RFPL3: variants seen among roughly 807,000 people sequenced by gnomAD.
The protein encoded by RFPL3 is ret finger protein like 3, also known as ret finger protein-like 3.
RFPL3 carries 8 observed loss-of-function variants against 8.7 expected under a neutral mutation model. That is an observed-to-expected ratio of 0.92 (90% CI 0.54 to 1.66). The LOEUF is 1.66. Among genes scored for constraint, RFPL3 ranks in the 40% most tolerant of loss-of-function variants. The pLI, the probability that RFPL3 is intolerant of heterozygous loss-of-function variation, is 0.00. For synonymous variants in RFPL3, 145 were observed against 150.5 expected, an observed-to-expected ratio of 0.96 and a Z score of 0.27; for missense variants, 341 against 395.0, an observed-to-expected ratio of 0.86 and a Z score of 1.16.
At position 32,358,126 on chromosome 22, in the gene RFPL3, C is replaced by T. The variant is rs775799598; in HGVS notation, c.55C>T (p.Leu19Phe). The change falls in exon 1 of 2, where the codon CTT becomes TTT. Residue 19 changes from leucine to phenylalanine, a missense_variant. Coordinates refer to ENST00000249007, the MANE Select transcript of RFPL3 (RefSeq NM_001098535.1). ...CAGGCTTTCACCTCAAGGAAATTTT[C>T]TTCCCTTGTGTACTTTTCCCCTGGC... ...TNRLSPQGNF[L>F]PLCTFPLAVD... 40 of 1,613,848 alleles carry T rather than the reference C, an allele frequency of 2.5e-5. No individual in the cohort carries two copies. The South Asian group carries it at 3.5e-4, about 14-fold the overall frequency.
rs1320382829 is a variant in RFPL3, at chr22:32,358,316, C to G, written c.245C>G (p.Ser82Cys). The G allele has an allele frequency of 1.9e-6, 3 of 1,613,910 alleles. No homozygotes were observed. The highest frequency in any genetic ancestry group is 2.5e-6 in the Non-Finnish European group (3 of 1,179,976). The change falls in exon 1 of 2, where the codon TCC (serine) becomes TGC (cysteine). Residue 82 changes from serine to cysteine, a missense_variant. By Grantham distance (112) the Ser-to-Cys change is moderately radical. Transcript: ENST00000249007. ...GAGGATCTGCTTTGCTGTTGCTGTT[C>G]CATGGTCTCTCAGAGGAACAAAATC... ...HGEDLLCCCC[S>C]MVSQRNKIRP...
chr22:32,358,136 G>T lies in RFPL3; in HGVS notation c.65G>T (p.Cys22Phe), dbSNP rs573663539. The change falls in exon 1 of 2, where the codon TGT becomes TTT. Residue 22 changes from cysteine (C) to phenylalanine (F), a missense_variant. Transcript: ENST00000249007. ...LSPQGNFLPL[C>F]TFPLAVDMAA... ...CCTCAAGGAAATTTTCTTCCCTTGTGTACTTTTCCCCTGGCAGTGGACATG... is the reference window on the plus strand; with the variant it reads ...CCTCAAGGAAATTTTCTTCCCTTGTTTACTTTTCCCCTGGCAGTGGACATG... 1 of 1,613,980 alleles carries T rather than the reference G, an allele frequency of 6.2e-7. No individual in the cohort carries two copies. Among genetic ancestry groups the T allele is most frequent in the Non-Finnish European group, 8.5e-7 (1 of 1,179,870 alleles).
intron 1 of RFPL3, chr22:32,359,981 C>T (rs1274561112): frequency 1.2e-5 from 6 of 482,738 alleles, no homozygotes; most frequent in Admixed American, 3.8e-5. Context: ...TTCAGAGACC[C>T]TCCACTCTAA....
In RFPL3 at chr22:32,358,445, G is replaced by A; in HGVS notation, c.373+1G>A. The A allele has an allele frequency of 6.2e-7, 1 of 1,611,872 alleles. No individual in the cohort carries two copies. The highest frequency in any genetic ancestry group is 1.1e-5 in the South Asian group (1 of 90,654). On this transcript the variant is annotated splice_donor_variant, in intron 1 of 1. Transcript: ENST00000249007. LOFTEE classifies it high-confidence loss of function. ...AACCCAAGGATGCGGAAGTTCCAAG[G>A]TAAGGAATCTGTATACCCTGCCCCC...
At chr22:32,355,799 AAG>A (rs1491338234), upstream of RFPL3, among the ~76,000 whole-genome samples, 3 of 149,920 alleles carry the variant, frequency 2.0e-5, no homozygotes, top group Non-Finnish European at 4.4e-5. Flanking sequence ...AAAAAAAAAA[AAG>A]AAAGAAAAGA....
Position 32,360,729 on chromosome 22 carries a change from C to T in RFPL3, c.851C>T (p.Ala284Val), listed in dbSNP as rs1415419306. The T allele has an allele frequency of 9.3e-6, 15 of 1,614,056 alleles. No homozygotes were observed. Among genetic ancestry groups the T allele is most frequent in the Non-Finnish European group, 1.2e-5 (14 of 1,179,958 alleles). Residue 284 changes from alanine (A) to valine (V), a missense_variant, in exon 2 of 2, where the codon GCT becomes GTT. By Grantham distance (64) the Ala-to-Val change is moderately conservative. Coordinates refer to ENST00000249007, the MANE Select transcript of RFPL3 (RefSeq NM_001098535.1). ...GAGGAGCCACTGCGCCCATTTTTGG[C>T]TCCTTCAATTCCACCTAATGGTGAT... Reference protein sequence around the residue: ...SAEEPLRPFLAPSIPPNGDQG... With the variant: ...SAEEPLRPFLVPSIPPNGDQG...
rs576410296 is a variant in RFPL3 at position 32,358,585 on chromosome 22, C to G, written c.373+141C>G. On this transcript the variant is annotated intron_variant, in intron 1 of 1. Coordinates refer to ENST00000249007, the MANE Select transcript of RFPL3 (RefSeq NM_001098535.1). ...ATGCTTCATCATCACATTCTCAGCC[C>G]TGACAACACATAGAATCACCTGGTG... is the stretch of plus-strand genomic sequence containing the variant. 8.6e-5 allele frequency: 110 copies of G among 1,275,948 alleles called. 1 individual carries two copies. In the South Asian group the frequency reaches 1.6e-3, roughly 18 times the overall value. The allele number at this position is 1,275,948 out of a possible 1,614,324, so 79.0% of individuals were successfully genotyped here.
intron 1 of RFPL3, among the ~76,000 whole-genome samples, chr22:32,358,693 T>G (rs1244063853): frequency 6.6e-6 from 1 of 152,174 alleles, no homozygotes; most frequent in African/African-American, 2.4e-5. Context: ...TGTGCTCAGA[T>G]TACCTGGGGA....
Position 32,358,321 on chromosome 22 carries a change from G to T in RFPL3, c.250G>T (p.Val84Phe). 1 of 1,614,088 alleles carries T rather than the reference G, an allele frequency of 6.2e-7. No individual in the cohort carries two copies. Among genetic ancestry groups the T allele is most frequent in the Non-Finnish European group, 8.5e-7 (1 of 1,179,994 alleles). The stretch of plus-strand genomic sequence containing the variant: ...TCTGCTTTGCTGTTGCTGTTCCATG[G>T]TCTCTCAGAGGAACAAAATCAGGCC... ...EDLLCCCCSM[V>F]SQRNKIRPNR... The change falls in exon 1 of 2, where the codon GTC (valine) becomes TTC (phenylalanine). Residue 84 changes from valine (V) to phenylalanine (F), a missense_variant. Coordinates refer to ENST00000249007, the MANE Select transcript of RFPL3 (RefSeq NM_001098535.1).
chr22:32,357,265 C>A (rs1932698637), upstream of RFPL3, among the ~76,000 whole-genome samples: 1 of 150,762 alleles, frequency 6.6e-6, no homozygotes, highest in South Asian at 2.1e-4. Flanking sequence ...CTTTTCTTTT[C>A]TTTTGGTGAG....
At position 32,358,202 on chromosome 22, in the gene RFPL3, C is replaced by T. The variant is rs142824103; in HGVS notation, c.131C>T (p.Ser44Leu). ...GAAGCAAGCAGCTGTCCCGTCTGCT[C>T]AGACTATCTGGAAAAACCAATGTCC... ...FQEASSCPVCSDYLEKPMSLE... is the reference protein window; with the variant it reads ...FQEASSCPVCLDYLEKPMSLE... The change falls in exon 1 of 2, where the codon TCA becomes TTA. Residue 44 changes from serine (S) to leucine (L), a missense_variant. By Grantham distance (145) the Ser-to-Leu change is moderately radical. Transcript: ENST00000249007. 10 of 1,613,866 alleles carry T rather than the reference C, an allele frequency of 6.2e-6. No individual in the cohort carries two copies. The African/African-American group carries it at 1.2e-4, about 19-fold the overall frequency.
chr22:32,358,594 C>T (rs1932744321), intron 1 of RFPL3, 150 bp downstream of exon 1: 5 of 1,226,980 alleles, frequency 4.1e-6, no homozygotes, highest in East Asian at 2.4e-5. Context: ...CCTGACAACA[C>T]ATAGAATCAC....
chr22:32,355,365 C>A (rs557175936), upstream of RFPL3, among the ~76,000 whole-genome samples: 1 of 152,168 alleles, frequency 6.6e-6, no homozygotes, highest in East Asian at 1.9e-4. Context: ...GCTATGTTCT[C>A]TGTCTCCACA....
Position 32,360,923 on chromosome 22 carries a change from A to T in RFPL3, c.*91A>T. Reference sequence around the variant, plus strand: ...CTTGGTAAAAGCATTATACAGTCATAGGAGAAAGATATGGGACATTTCTAT... The same window carrying T: ...CTTGGTAAAAGCATTATACAGTCATTGGAGAAAGATATGGGACATTTCTAT... On this transcript the variant is annotated 3_prime_UTR_variant, in exon 2 of 2. Coordinates refer to ENST00000249007, the MANE Select transcript of RFPL3 (RefSeq NM_001098535.1). 7.9e-7 allele frequency: 1 copy of T among 1,263,690 alleles called. No individual in the cohort carries two copies. 78.3% of individuals were successfully genotyped at this position (1,263,690 alleles called of 1,614,324 possible). A position where few individuals can be genotyped will look rare whatever the true frequency, so the allele number is the denominator to read the frequency against.
At position 32,358,151 on chromosome 22, in the gene RFPL3, C is replaced by A; in HGVS notation, c.80C>A (p.Ala27Glu). 2 of 1,613,988 alleles carry A rather than the reference C, an allele frequency of 1.2e-6. No homozygotes were observed. The highest frequency in any genetic ancestry group is 3.3e-5 in the Admixed American group (2 of 60,012). The change falls in exon 1 of 2, where the codon GCA becomes GAA. Residue 27 changes from alanine to glutamate, a missense_variant. Transcript: ENST00000249007. Reference sequence around the variant, plus strand: ...CTTCCCTTGTGTACTTTTCCCCTGGCAGTGGACATGGCTGCACTCTTCCAA... The same window carrying A: ...CTTCCCTTGTGTACTTTTCCCCTGGAAGTGGACATGGCTGCACTCTTCCAA... ...NFLPLCTFPL[A>E]VDMAALFQEA...
At position 32,360,912 on chromosome 22, in the gene RFPL3, T is replaced by C. The variant is rs5749409; in HGVS notation, c.*80T>C. The C allele has an allele frequency of 0.072, 97,584 of 1,353,654 alleles. 7,528 individuals carry two copies. Among genetic ancestry groups the C allele is most frequent in the East Asian group, 0.47 (20,342 of 42,942 alleles). The allele number at this position is 1,353,654 out of a possible 1,614,324, so 83.9% of individuals were successfully genotyped here. A position where few individuals can be genotyped will look rare whatever the true frequency, so the allele number is the denominator to read the frequency against. On this transcript the variant is annotated 3_prime_UTR_variant, in exon 2 of 2. Coordinates refer to ENST00000249007, the MANE Select transcript of RFPL3 (RefSeq NM_001098535.1). ...GGAATTTTCTACTTGGTAAAAGCATTATACAGTCATAGGAGAAAGATATGG... is the reference window on the plus strand; with the variant it reads ...GGAATTTTCTACTTGGTAAAAGCATCATACAGTCATAGGAGAAAGATATGG...
At chr22:32,357,472 C>CCTTTTTTTTTTT (rs543220133), upstream of RFPL3, among the ~76,000 whole-genome samples, 1 of 145,126 alleles carries the variant, frequency 6.9e-6, no homozygotes. Context: ...ATCCAGCCCC[C>CCTTTTTTTTTTT]TTTTTTTTTT....
At chr22:32,356,363 G>A (rs1432772521), upstream of RFPL3, among the ~76,000 whole-genome samples, 1 of 152,054 alleles carries the variant, frequency 6.6e-6, no homozygotes, top group Non-Finnish European at 1.5e-5. Flanking sequence ...GGTGTTCAGT[G>A]ATCAAATGCC....
chr22:32,355,214 C>A (rs1932624685), upstream of RFPL3, among the ~76,000 whole-genome samples: 1 of 151,904 alleles, frequency 6.6e-6, no homozygotes, highest in African/African-American at 2.4e-5. Flanking sequence ...AAGACTTGCT[C>A]TCATCCAATC....
Sources: gnomAD v4.1 joint callset for allele counts (sites outside exome capture counted in the v4.1 genomes callset) on GRCh38, gnomAD v4.1.1 for gene constraint, MANE v1.5 for transcripts, NCBI Gene and HGNC (gene_info 2026-07-23, HGNC 2026-07-21) for gene names.